Variants in ABR observed in about 807,000 individuals in gnomAD.
The protein encoded by ABR is ABR activator of RhoGEF and GTPase.
Under a neutral mutation model 107.2 loss-of-function variants are expected in ABR, and 35 were observed. The observed-to-expected ratio is 0.33, with a 90% CI of 0.25 to 0.43. The LOEUF is 0.43. Ranked by LOEUF, ABR falls within the 20% of genes least tolerant of loss-of-function variation. ABR has a pLI of 1.00. For missense variants in ABR, 815 were observed against 1,115.2 expected (o/e 0.73, Z 3.83); for synonymous variants, 498 against 462.0 (o/e 1.08, Z -1.00).
rs890780588 is a variant in ABR, at chr17:1,110,172, C to G, written c.247-9437G>C. On this transcript the variant is annotated intron_variant, in intron 2 of 22. Coordinates refer to ENST00000302538, the MANE Select transcript of ABR (RefSeq NM_021962.5). ...TCCCAGCCAGCTTCCCCTGGCTTCT[C>G]CAATGGTTGCAGAACCCCCAACTGT... is the stretch of plus-strand genomic sequence containing the variant. Among the ~76,000 whole-genome samples, 6 of 151,886 alleles carry G rather than the reference C, an allele frequency of 4.0e-5. 1 individual carries two copies. The highest frequency in any genetic ancestry group is 1.5e-4 in the African/African-American group (6 of 41,320).
intron 10 of ABR, among the ~76,000 whole-genome samples, chr17:1,063,391 G>A (rs9904886): frequency 7.0e-6 from 1 of 142,700 alleles, no homozygotes; most frequent in Non-Finnish European, 1.6e-5. Flanking sequence ...AGACACTGCT[G>A]TTACGTGAAC....
chr17:1,185,836 CTTTT>C (rs887086349), intron 1 of ABR, among the ~76,000 whole-genome samples: 1 of 151,406 alleles, frequency 6.6e-6, no homozygotes, highest in Non-Finnish European at 1.5e-5. Context: ...ATTTACTATT[CTTTT>C]TTTTCTTTCT....
intron 16 of ABR, among the ~76,000 whole-genome samples, chr17:1,015,393 T>A (rs1168016705): frequency 2.9e-5 from 4 of 138,824 alleles, no homozygotes; most frequent in Non-Finnish European, 6.1e-5. Context: ...CACTCCAGCC[T>A]GGCGACAGAG....
At chr17:1,192,911 G>A (rs887939701) in intron 1 of ABR, among the ~76,000 whole-genome samples, 5 of 152,144 alleles carry the variant, frequency 3.3e-5, no homozygotes, top group African/African-American at 4.8e-5. Flanking sequence ...AGTGGGGTGT[G>A]GTGGCGGGCG....
chr17:1,195,788 A>C (rs906324031), intron 1 of ABR, among the ~76,000 whole-genome samples: 1 of 139,246 alleles, frequency 7.2e-6, no homozygotes, highest in African/African-American at 2.9e-5. Context: ...TGCGCAACAG[A>C]GCGAGACTCT....
At position 1,010,066 on chromosome 17, in the gene ABR, G is replaced by C. The variant is rs529623636; in HGVS notation, c.2237-282C>G. ...GGCCTTGGGTGCTGGGGCATCCCCT[G>C]TCTCGTAACAGGACACCCCCTGGTC... On this transcript the variant is annotated intron_variant, in intron 20 of 22. Transcript: ENST00000302538. This position sits in a 1 kb window ranked among gnomAD's most constrained non-coding sequence, Gnocchi z 4.1. The C allele has an allele frequency of 1.9e-5, 10 of 538,692 alleles. No homozygotes were observed. The South Asian group carries it at 2.0e-4, about 11-fold the overall frequency. The allele number at this position is 538,692 out of a possible 1,614,324, so 33.4% of individuals were successfully genotyped here. A position where few individuals can be genotyped will look rare whatever the true frequency, so the allele number is the denominator to read the frequency against.
At chr17:1,074,881 A>T (rs1375845907) in intron 6 of ABR, among the ~76,000 whole-genome samples, 1 of 152,160 alleles carries the variant, frequency 6.6e-6, no homozygotes, top group East Asian at 1.9e-4. Context: ...GGGAGGCGGA[A>T]GTTGTAGCGA....
At chr17:1,127,269 G>A (rs987602925) in intron 1 of ABR, among the ~76,000 whole-genome samples, 6 of 151,138 alleles carry the variant, frequency 4.0e-5, no homozygotes, top group African/African-American at 1.5e-4. Context: ...CCACACACCC[G>A]GGCAGGACCC....
chr17:1,101,639 G>A (rs759398835), intron 2 of ABR, among the ~76,000 whole-genome samples: 1 of 152,090 alleles, frequency 6.6e-6, no homozygotes, highest in Non-Finnish European at 1.5e-5. Context: ...AATATTTACT[G>A]AATGTCCACC....
intron 2 of ABR, among the ~76,000 whole-genome samples, chr17:1,118,364 T>C (rs67428465): frequency 4.4e-5 from 1 of 22,842 alleles, no homozygotes; most frequent in African/African-American, 2.3e-4. Flanking sequence ...GAGCCTGAGT[T>C]CCTCCCAGCG....
chr17:1,140,875 G>T (rs772584771), intron 1 of ABR, among the ~76,000 whole-genome samples: 6 of 151,832 alleles, frequency 4.0e-5, no homozygotes, highest in African/African-American at 1.2e-4. Flanking sequence ...GAGCCACCGC[G>T]CCCGGCCAGT....
chr17:1,144,601 A>G (rs1867255), intron 1 of ABR, among the ~76,000 whole-genome samples: 22,102 of 150,074 alleles, frequency 0.15, 1,803 homozygotes, highest in African/African-American at 0.22. Context: ...AAAAAAAAAA[A>G]GGGGCAGGGG....
chr17:1,166,817 T>C (rs1444391394), intron 1 of ABR, among the ~76,000 whole-genome samples: 1 of 152,132 alleles, frequency 6.6e-6, no homozygotes, highest in Admixed American at 6.5e-5. Context: ...CTGGCCAACA[T>C]GGTGTAACCC....
chr17:1,190,788 C>T (rs1445674767), upstream of ABR, among the ~76,000 whole-genome samples: 2 of 152,242 alleles, frequency 1.3e-5, no homozygotes, highest in South Asian at 2.1e-4. Flanking sequence ...TGGTTGCTCA[C>T]GGTATGCTCA....
chr17:1,065,147 C>T (rs77414081), intron 10 of ABR, among the ~76,000 whole-genome samples: 3 of 14,214 alleles, frequency 2.1e-4, no homozygotes. Flanking sequence ...GCTGCTGTTA[C>T]GTGAACTGAG....
chr17:1,224,448 C>G (rs1342110820), intron 1 of ABR, among the ~76,000 whole-genome samples: 2 of 152,174 alleles, frequency 1.3e-5, no homozygotes, highest in Non-Finnish European at 2.9e-5. Flanking sequence ...TGAGGCCTCA[C>G]GTGTTCTCTC....
chr17:1,173,829 C>T (rs2041834200), intron 1 of ABR, among the ~76,000 whole-genome samples: 1 of 152,246 alleles, frequency 6.6e-6, no homozygotes, highest in Non-Finnish European at 1.5e-5. Context: ...CATTCCCTGC[C>T]CCTTCCTAAG....
intron 1 of ABR, among the ~76,000 whole-genome samples, chr17:1,125,994 C>A (rs967253250): frequency 6.6e-6 from 1 of 152,130 alleles, no homozygotes; most frequent in East Asian, 1.9e-4. Context: ...GCAGACTCCT[C>A]GGAGCCGGTG....
chr17:1,133,753 G>A lies in ABR; in HGVS notation c.62-8386C>T, dbSNP rs538273539. Among the ~76,000 whole-genome samples, 5 of 152,150 alleles carry A rather than the reference G, an allele frequency of 3.3e-5. No individual in the cohort carries two copies. The South Asian group carries it at 6.2e-4, about 19-fold the overall frequency. On this transcript the variant is annotated intron_variant, in intron 1 of 22. Transcript: ENST00000302538. ...CTTCTTCCTTGCTTACTCTACCCTCGTTTTCTAGGAAGTGGCAACAGACCA... is the reference window on the plus strand; with the variant it reads ...CTTCTTCCTTGCTTACTCTACCCTCATTTTCTAGGAAGTGGCAACAGACCA...
Sources: allele counts gnomAD v4.1 joint callset (sites outside exome capture counted in the v4.1 genomes callset), GRCh38; gene constraint gnomAD v4.1.1; non-coding constraint Gnocchi (gnomAD v3.1); transcripts MANE v1.5; gene names NCBI Gene and HGNC (gene_info 2026-07-23, HGNC 2026-07-21).